Variants in ADCY10 observed in about 807,000 individuals in gnomAD.
The protein encoded by ADCY10 is adenylate cyclase 10.
Under a neutral mutation model 183.3 loss-of-function variants are expected in ADCY10, and 156 were observed. The observed-to-expected ratio is 0.85, with a 90% CI of 0.75 to 0.97. The LOEUF (loss-of-function observed/expected upper bound fraction) is 0.97. ADCY10 is among the 50% of genes least tolerant of loss of function. The pLI, the probability that ADCY10 is intolerant of heterozygous loss-of-function variation, is 0.00. For synonymous variants in ADCY10, 645 were observed against 670.0 expected, an observed-to-expected ratio of 0.96 and a Z score of 0.58; for missense variants, 1,745 against 1,934.3, an observed-to-expected ratio of 0.90 and a Z score of 1.84.
At chr1:167,849,761 G>A (rs531295155) in intron 18 of ADCY10, among the ~76,000 whole-genome samples, 2 of 152,306 alleles carry the variant, frequency 1.3e-5, no homozygotes, top group Non-Finnish European at 2.9e-5. Context: ...CAGACTTGGT[G>A]GATTCAGAAA....
intron 20 of ADCY10, 66 bp from the exon 21 acceptor site, chr1:167,845,919 A>G (rs1664986094): frequency 3.7e-6 from 6 of 1,613,884 alleles, no homozygotes; most frequent in Non-Finnish European, 5.1e-6. Context: ...TCTACCTAAC[A>G]TAGGTCAATT....
chr1:167,890,328 CT>C (rs1214875201), intron 8 of ADCY10, among the ~76,000 whole-genome samples: 2 of 152,170 alleles, frequency 1.3e-5, no homozygotes, highest in Non-Finnish European at 2.9e-5. Context: ...CCTTTGTGGT[CT>C]TAAATAAGAT....
chr1:167,857,940 T>C (rs1438851923), intron 16 of ADCY10, among the ~76,000 whole-genome samples: 2 of 152,316 alleles, frequency 1.3e-5, no homozygotes, highest in African/African-American at 2.4e-5. Context: ...ATCCACATCC[T>C]ACTTTTTTAA....
intron 25 of ADCY10, among the ~76,000 whole-genome samples, chr1:167,831,439 C>A (rs1663728127): frequency 6.6e-6 from 1 of 152,188 alleles, no homozygotes; most frequent in Admixed American, 6.5e-5. Context: ...GGCAATCCGC[C>A]CCCCTCAGCC....
intron 32 of ADCY10, among the ~76,000 whole-genome samples, 191 bp downstream of exon 32, chr1:167,810,534 G>A (rs188758605): frequency 7.9e-5 from 12 of 152,282 alleles, no homozygotes; most frequent in South Asian, 4.1e-4. Flanking sequence ...ACCAGACAGC[G>A]AATCTCCAGA....
chr1:167,880,271 T>G, intron 10 of ADCY10, 80 bp from the exon 11 acceptor site: 1 of 1,291,096 alleles, frequency 7.7e-7, no homozygotes, highest in Non-Finnish European at 1.1e-6. Flanking sequence ...TGGGAAATAA[T>G]GTCTGGGTTG....
chr1:167,847,225 A>C (rs1468261936), intron 19 of ADCY10, among the ~76,000 whole-genome samples: 1 of 151,832 alleles, frequency 6.6e-6, no homozygotes, highest in Non-Finnish European at 1.5e-5. Flanking sequence ...CTGCCTTCTT[A>C]CATTAGTAGA....
At chr1:167,890,511 G>A (rs1294022597) in intron 8 of ADCY10, among the ~76,000 whole-genome samples, 1 of 152,160 alleles carries the variant, frequency 6.6e-6, no homozygotes, top group Non-Finnish European at 1.5e-5. Context: ...CAGACCTGAA[G>A]CTAGCACAGC....
Position 167,866,391 on chromosome 1 carries a change from A to T in ADCY10, c.1616+3866T>A, listed in dbSNP as rs538909134. On this transcript the variant is annotated intron_variant, in intron 14 of 32. Transcript: ENST00000367851. Reference sequence around the variant, plus strand: ...ATTTAAGTCAATATTTTAGTGAGTGATGTTAATAAAAATGTAAATTAGATA... The same window carrying T: ...ATTTAAGTCAATATTTTAGTGAGTGTTGTTAATAAAAATGTAAATTAGATA... Among the ~76,000 whole-genome samples, 12 of 152,324 alleles carry T rather than the reference A, an allele frequency of 7.9e-5. No homozygotes were observed. The South Asian group carries it at 2.3e-3, about 29-fold the overall frequency.
intron 32 of ADCY10, among the ~76,000 whole-genome samples, chr1:167,810,148 A>G (rs1662113250): frequency 6.6e-6 from 1 of 152,214 alleles, no homozygotes; most frequent in Non-Finnish European, 1.5e-5. Flanking sequence ...CAGATGTAAC[A>G]CAAAGTGGAA....
intron 7 of ADCY10, among the ~76,000 whole-genome samples, chr1:167,895,049 G>A (rs1199740490): frequency 2.6e-5 from 4 of 152,016 alleles, no homozygotes; most frequent in Admixed American, 2.6e-4. Flanking sequence ...GGGTGTGGTG[G>A]CACGCCTCTG....
chr1:167,826,976 T>C (rs142668373), intron 26 of ADCY10, among the ~76,000 whole-genome samples: 1 of 152,126 alleles, frequency 6.6e-6, no homozygotes, highest in South Asian at 2.1e-4. Flanking sequence ...GGGGTCAATC[T>C]TGATGGGCTT....
chr1:167,848,566 G>GGATCAT, intron 18 of ADCY10, 77 bp from the exon 19 acceptor site: 1 of 1,533,734 alleles, frequency 6.5e-7, no homozygotes, highest in Non-Finnish European at 9.0e-7. Context: ...TGAACTTTGA[G>GGATCAT]ATGGATCTCA....
rs747470198 is a variant in ADCY10 at position 167,834,114 on chromosome 1, A to G, written c.3310-37T>C. 7.8e-6 allele frequency: 12 copies of G among 1,531,380 alleles called. No homozygotes were observed. In the East Asian group the frequency reaches 2.5e-4, roughly 32 times the overall value. 94.9% of individuals were successfully genotyped at this position (1,531,380 alleles called of 1,614,324 possible). ...CCAAGGAGTAGAAAAGTGTTGATTCAGCAGGGATTGAGCCCACAGAAGGGC... is the reference window on the plus strand; with the variant it reads ...CCAAGGAGTAGAAAAGTGTTGATTCGGCAGGGATTGAGCCCACAGAAGGGC... On this transcript the variant is annotated intron_variant, in intron 23 of 32. Transcript: ENST00000367851.
chr1:167,861,107 T>C (rs780898915), intron 14 of ADCY10, 44 bp from the exon 15 acceptor site: 3 of 1,528,580 alleles, frequency 2.0e-6, no homozygotes, highest in Admixed American at 1.7e-5. Context: ...TTTTTAAATA[T>C]ATATTTTTGA....
chr1:167,822,861 A>G, intron 29 of ADCY10, 147 bp downstream of exon 29: 1 of 741,608 alleles, frequency 1.3e-6, no homozygotes, highest in Non-Finnish European at 2.4e-6. Flanking sequence ...GCTTCAGCTC[A>G]CACAACCAGC....
At chr1:167,864,209 G>A (rs772272335) in intron 14 of ADCY10, among the ~76,000 whole-genome samples, 1 of 152,164 alleles carries the variant, frequency 6.6e-6, no homozygotes. Context: ...TTTGTTTTGT[G>A]GTGTGCATGT....
chr1:167,822,689 T>C (rs1426551835), intron 29 of ADCY10, among the ~76,000 whole-genome samples: 3 of 152,168 alleles, frequency 2.0e-5, no homozygotes, highest in South Asian at 2.1e-4. Context: ...CTGCTAAAAG[T>C]TAAAAACCCC....
At chr1:167,811,907 T>C (rs1250290122) in intron 31 of ADCY10, among the ~76,000 whole-genome samples, 1 of 152,160 alleles carries the variant, frequency 6.6e-6, no homozygotes, top group Non-Finnish European at 1.5e-5. Flanking sequence ...ACTGGCAGAA[T>C]CTGTCAGAAT....
Sources: gnomAD v4.1 joint callset for allele counts (sites outside exome capture counted in the v4.1 genomes callset) on GRCh38, gnomAD v4.1.1 for gene constraint, MANE v1.5 for transcripts, NCBI Gene and HGNC (gene_info 2026-07-23, HGNC 2026-07-21) for gene names.